Variants in DNAH7 observed in about 807,000 individuals in gnomAD.
DNAH7 encodes dynein axonemal heavy chain 7.
Under a neutral mutation model 444.6 loss-of-function variants are expected in DNAH7, and 397 were observed. That is an observed-to-expected ratio of 0.89 (90% CI 0.82 to 0.97). DNAH7 has a LOEUF of 0.97. Ranked by LOEUF, DNAH7 falls within the 50% of genes least tolerant of loss-of-function variation. The pLI is 0.00. For synonymous variants in DNAH7, 1,636 were observed against 1,624.4 expected (o/e 1.01, Z -0.17); for missense variants, 4,902 against 4,800.8 (o/e 1.02, Z -0.62).
chr2:195,967,859 G>A (rs775158926), intron 17 of DNAH7, among the ~76,000 whole-genome samples: 2 of 152,144 alleles, frequency 1.3e-5, no homozygotes, highest in African/African-American at 2.4e-5. Context: ...CTATAACCTT[G>A]TACTTGAATA....
chr2:195,944,756 G>C (rs1468591198), intron 19 of DNAH7, among the ~76,000 whole-genome samples: 2 of 151,944 alleles, frequency 1.3e-5, no homozygotes, highest in Non-Finnish European at 2.9e-5. Flanking sequence ...GAAATAAAAG[G>C]CTCTTTTAGC....
chr2:195,849,607 T>C (rs1163873578), intron 46 of DNAH7, among the ~76,000 whole-genome samples: 1 of 152,120 alleles, frequency 6.6e-6, no homozygotes, highest in Non-Finnish European at 1.5e-5. Flanking sequence ...ATTTTTTAAT[T>C]ATTATTTTTT....
At chr2:195,916,071 C>T (rs1277313154) in intron 24 of DNAH7, among the ~76,000 whole-genome samples, 1 of 152,120 alleles carries the variant, frequency 6.6e-6, no homozygotes, top group Non-Finnish European at 1.5e-5. Flanking sequence ...TTATGGAGAA[C>T]AGACAGTCTT....
At position 195,872,430 on chromosome 2, in the gene DNAH7, T is replaced by G. The variant is rs1462441820; in HGVS notation, c.6453A>C (p.Gln2151His). 2.5e-6 allele frequency: 4 copies of G among 1,607,290 alleles called. No individual in the cohort carries two copies. Among genetic ancestry groups the G allele is most frequent in the Non-Finnish European group, 3.4e-6 (4 of 1,176,630 alleles). The change falls in exon 40 of 65, where the codon CAA (glutamine) becomes CAC (histidine). Residue 2151 changes from glutamine to histidine, a missense_variant. Transcript: ENST00000312428. Reference protein sequence around the residue: ...FPDEFLDLTTQIVNGTMTLYK... With the variant: ...FPDEFLDLTTHIVNGTMTLYK... ...ACAGAGTCATTGTGCCATTTACGATTTGTGTGGTCAAATCTAGAAATTCAT... is the reference window on the plus strand; with the variant it reads ...ACAGAGTCATTGTGCCATTTACGATGTGTGTGGTCAAATCTAGAAATTCAT...
chr2:195,971,911 G>A lies in DNAH7; in HGVS notation c.2058+331C>T, dbSNP rs555306524. On this transcript the variant is annotated intron_variant, in intron 16 of 64. Transcript: ENST00000312428. ...GATATTCAAACAAGTTTTAAAAACC[G>A]AAAATAGTACTATAAATTATGTAAG... Among the ~76,000 whole-genome samples, 163 of 152,168 alleles carry A rather than the reference G, an allele frequency of 1.1e-3. 1 individual carries two copies. Among genetic ancestry groups the A allele is most frequent in the Non-Finnish European group, 1.9e-3 (127 of 68,010 alleles).
chr2:195,894,863 AT>A, intron 30 of DNAH7, 112 bp downstream of exon 30: 1 of 1,085,780 alleles, frequency 9.2e-7, no homozygotes, highest in Non-Finnish European at 1.2e-6. Context: ...TCTTTGACTC[AT>A]TTTTCTCATG....
At chr2:195,851,488 T>C (rs927745778) in intron 46 of DNAH7, among the ~76,000 whole-genome samples, 9 of 152,200 alleles carry the variant, frequency 5.9e-5, no homozygotes, top group African/African-American at 1.9e-4. Context: ...TGTGTCTAAG[T>C]TGAATGTGGC....
intron 34 of DNAH7, among the ~76,000 whole-genome samples, 179 bp downstream of exon 34, chr2:195,885,962 G>C (rs867435352): frequency 1.3e-5 from 2 of 152,320 alleles, no homozygotes; most frequent in Middle Eastern, 3.4e-3. Context: ...TCCCAGGCAA[G>C]AAGCTTCCCC....
rs139552397 is a variant in DNAH7 at position 195,992,910 on chromosome 2, G to C, written c.1354-4681C>G. Among the ~76,000 whole-genome samples, 304 of 152,318 alleles carry C rather than the reference G, an allele frequency of 2.0e-3. 2 individuals are homozygous for C. The highest frequency in any genetic ancestry group is 7.1e-3 in the African/African-American group (294 of 41,570). ...TTGGTCCAACTCATTCCTTCATAGA[G>C]GAAGGGGAACAGGGTCTAGCCAGAA... On this transcript the variant is annotated intron_variant, in intron 12 of 64. Transcript: ENST00000312428.
At chr2:195,846,949 A>ATATGTGTGTGTGTGTGTG (rs1553535817) in intron 46 of DNAH7, among the ~76,000 whole-genome samples, 1 of 137,158 alleles carries the variant, frequency 7.3e-6, no homozygotes, top group African/African-American at 2.8e-5. Flanking sequence ...ACTCCCATAT[A>ATATGTGTGTGTGTGTGTG]TGTGTGTGTG....
intron 28 of DNAH7, 62 bp from the exon 29 acceptor site, chr2:195,897,827 C>G: frequency 2.2e-6 from 2 of 924,738 alleles, no homozygotes; most frequent in South Asian, 1.6e-5. Flanking sequence ...CTACCCGCTT[C>G]GTGTTCGCAT....
intron 63 of DNAH7, among the ~76,000 whole-genome samples, chr2:195,745,859 A>T (rs1427619513): frequency 6.6e-6 from 1 of 152,230 alleles, no homozygotes; most frequent in African/African-American, 2.4e-5. Flanking sequence ...AGCACTAAAC[A>T]TGGAAAGAAC....
Position 195,960,297 on chromosome 2 carries a change from C to G in DNAH7, c.2854G>C (p.Gly952Arg). 1.2e-6 allele frequency: 2 copies of G among 1,613,108 alleles called. No homozygotes were observed. The highest frequency in any genetic ancestry group is 1.7e-6 in the Non-Finnish European group (2 of 1,179,758). The change falls in exon 18 of 65, where the codon GGA becomes CGA. Residue 952 changes from glycine to arginine, a missense_variant. By Grantham distance (125) the Gly-to-Arg change is moderately radical. Coordinates refer to ENST00000312428, the MANE Select transcript of DNAH7 (RefSeq NM_018897.3). ...DHIIKTQTMR[G>R]SPFIKPYEKQ... ...TCATAAGGCTTAATGAAAGGAGATC[C>G]TCGCATAGTTTGTGTTTTAATAATA...
At chr2:196,004,218 A>G (rs1292682089) in intron 10 of DNAH7, among the ~76,000 whole-genome samples, 1 of 152,218 alleles carries the variant, frequency 6.6e-6, no homozygotes, top group African/African-American at 2.4e-5. Flanking sequence ...AGTGGTTTAC[A>G]GGCTAGGCTT....
chr2:196,068,640 G>A, intron 1 of DNAH7, 57 bp downstream of exon 1: 2 of 1,548,606 alleles, frequency 1.3e-6, no homozygotes, highest in South Asian at 1.2e-5. Flanking sequence ...CACCACTTCC[G>A]AAACGCCTGG....
At chr2:196,001,965 G>A in intron 10 of DNAH7, 107 bp from the exon 11 acceptor site, 2 of 815,320 alleles carry the variant, frequency 2.5e-6, no homozygotes, top group Middle Eastern at 3.9e-4. Context: ...TCATAGAGAA[G>A]TATATTGCTA....
At chr2:195,973,749 G>A (rs1229958696) in intron 15 of DNAH7, among the ~76,000 whole-genome samples, 1 of 152,102 alleles carries the variant, frequency 6.6e-6, no homozygotes, top group Admixed American at 6.5e-5. Flanking sequence ...TGGAATTACA[G>A]GCGTCAGCCA....
chr2:195,866,318 C>T (rs114912746), intron 40 of DNAH7, among the ~76,000 whole-genome samples: 2,571 of 151,726 alleles, frequency 0.017, 68 homozygotes, highest in African/African-American at 0.058. Context: ...GTATTGTTAT[C>T]AAATTGATGA....
At chr2:195,760,299 T>G (rs969644937) in intron 61 of DNAH7, among the ~76,000 whole-genome samples, 1 of 151,278 alleles carries the variant, frequency 6.6e-6, no homozygotes, top group African/African-American at 2.4e-5. Flanking sequence ...GGCTGTAGGC[T>G]CTGACTCCCA....
Sources: gnomAD v4.1 joint callset for allele counts (sites outside exome capture counted in the v4.1 genomes callset) on GRCh38, gnomAD v4.1.1 for gene constraint, MANE v1.5 for transcripts, NCBI Gene and HGNC (gene_info 2026-07-23, HGNC 2026-07-21) for gene names.